Variants in CRACD observed in about 807,000 individuals in gnomAD.
CRACD encodes capping protein inhibiting regulator of actin dynamics, also known as capping protein-inhibiting regulator of actin dynamics.
CRACD carries 56 observed loss-of-function variants against 106.8 expected under a neutral mutation model. The ratio of observed to expected loss-of-function variants is 0.52; its 90% CI spans 0.42 to 0.66. CRACD has a LOEUF of 0.66. CRACD is among the 30% of genes least tolerant of loss of function. CRACD has a pLI of 0.00. For synonymous variants in CRACD, 754 were observed against 670.8 expected (o/e 1.12, Z -1.92); for missense variants, 1,730 against 1,623.2 (o/e 1.07, Z -1.13).
chr4:56,262,265 A>C (rs775254410), intron 2 of CRACD, among the ~76,000 whole-genome samples: 1 of 152,224 alleles, frequency 6.6e-6, no homozygotes, highest in Non-Finnish European at 1.5e-5. Flanking sequence ...GTTGATGGGC[A>C]TAGGCATATT....
intron 9 of CRACD, among the ~76,000 whole-genome samples, chr4:56,323,903 T>C (rs1166731906): frequency 1.3e-5 from 2 of 152,196 alleles, no homozygotes; most frequent in African/African-American, 2.4e-5. Flanking sequence ...AAAGTAACTT[T>C]CCCTGTTAGG....
At position 56,327,914 on chromosome 4, in the gene CRACD, G is replaced by GTT. The variant is rs1746565316; in HGVS notation, c.*113_*114dup. 1.0e-6 allele frequency: 1 copy of GTT among 953,394 alleles called. No individual in the cohort carries two copies. Among genetic ancestry groups the GTT allele is most frequent in the African/African-American group, 1.7e-5 (1 of 60,242 alleles). The allele number at this position is 953,394 out of a possible 1,614,324, so 59.1% of individuals were successfully genotyped here. ...AAATCAAGCTAGGGAAAAGAAGCAT[G>GTT]TTTTATAGGCTCCAAAATAATGTTT... On this transcript the variant is annotated 3_prime_UTR_variant, in exon 11 of 11. Transcript: ENST00000682029.
At chr4:56,310,226 T>C (rs1455203294) in intron 5 of CRACD, among the ~76,000 whole-genome samples, 3 of 152,104 alleles carry the variant, frequency 2.0e-5, no homozygotes. Context: ...GTGGAGTTGG[T>C]AGGCCTTCTT....
intron 1 of CRACD, among the ~76,000 whole-genome samples, chr4:56,063,403 A>G (rs113419417): frequency 0.019 from 2,907 of 152,308 alleles, 87 homozygotes; most frequent in African/African-American, 0.067. Context: ...AAAAATTACC[A>G]TCGTAAACAT....
chr4:56,244,823 G>A (rs6824847), intron 2 of CRACD, among the ~76,000 whole-genome samples: 1,529 of 152,362 alleles, frequency 0.01, 22 homozygotes, highest in African/African-American at 0.035. Context: ...CACAAATCAT[G>A]AAGGTGGAAC....
intron 1 of CRACD, among the ~76,000 whole-genome samples, chr4:56,138,508 G>A (rs949629984): frequency 4.6e-5 from 7 of 152,032 alleles, no homozygotes; most frequent in Non-Finnish European, 1.0e-4. Context: ...CACTAACACA[G>A]CAGCAGAAAG....
Position 56,314,845 on chromosome 4 carries a change from C to G in CRACD, c.1343C>G (p.Pro448Arg), listed in dbSNP as rs919613539. ...GGACAAAGAGAACACTCCGAGGAGC[C>G]AGGTATTTGCGAGGAGCAGAACCCA... is the stretch of plus-strand genomic sequence containing the variant. ...PEGQREHSEE[P>R]GICEEQNPEA... The change falls in exon 8 of 11, where the codon CCA (proline) becomes CGA (arginine). Residue 448 changes from proline to arginine, a missense_variant. Coordinates refer to ENST00000682029, the MANE Select transcript of CRACD (RefSeq NM_001393381.1). This position sits in a 1 kb window ranked among gnomAD's most constrained non-coding sequence, Gnocchi z 4.4. 11 of 1,611,644 alleles carry G rather than the reference C, an allele frequency of 6.8e-6. No individual in the cohort carries two copies. In the South Asian group the frequency reaches 1.2e-4, roughly 18 times the overall value.
chr4:56,148,283 A>G (rs558430943), intron 1 of CRACD, among the ~76,000 whole-genome samples: 5,755 of 135,520 alleles, frequency 0.042, 137 homozygotes, highest in Non-Finnish European at 0.058. Context: ...TTTTTTTTTT[A>G]AAAAAAAAAA....
chr4:56,069,828 A>G (rs114303862), intron 1 of CRACD, among the ~76,000 whole-genome samples: 2,509 of 152,302 alleles, frequency 0.016, 49 homozygotes, highest in Middle Eastern at 0.044. Flanking sequence ...TCAAAGGAGG[A>G]ATGAGAATCA....
chr4:56,324,789 T>A (rs1274005161), intron 10 of CRACD, among the ~76,000 whole-genome samples: 1 of 152,206 alleles, frequency 6.6e-6, no homozygotes, highest in Non-Finnish European at 1.5e-5. Flanking sequence ...AGCATTTTAA[T>A]AAGTCAAATC....
intron 3 of CRACD, among the ~76,000 whole-genome samples, chr4:56,274,506 G>A (rs181413613): frequency 1.3e-5 from 2 of 152,256 alleles, no homozygotes; most frequent in East Asian, 3.9e-4. Flanking sequence ...TCCCATTTAA[G>A]TCTTATATTC....
chr4:56,167,354 G>A (rs1039004853), intron 1 of CRACD, among the ~76,000 whole-genome samples: 2 of 152,126 alleles, frequency 1.3e-5, no homozygotes, highest in Non-Finnish European at 1.5e-5. Flanking sequence ...ACTGGATATT[G>A]CCAAATTATA....
chr4:56,109,771 G>A (rs577377458), intron 1 of CRACD, among the ~76,000 whole-genome samples: 30 of 151,434 alleles, frequency 2.0e-4, no homozygotes, highest in Non-Finnish European at 4.0e-4. Context: ...GATACAGTGA[G>A]GAAACCTCTT....
At chr4:56,227,844 T>A (rs1351291382) in intron 2 of CRACD, among the ~76,000 whole-genome samples, 1 of 152,208 alleles carries the variant, frequency 6.6e-6, no homozygotes, top group Non-Finnish European at 1.5e-5. Context: ...GTAACTGTGT[T>A]CTAGGACACA....
intron 2 of CRACD, among the ~76,000 whole-genome samples, chr4:56,187,766 A>G (rs995053772): frequency 3.3e-5 from 5 of 152,090 alleles, no homozygotes; most frequent in Non-Finnish European, 5.9e-5. Context: ...CGCACACTGA[A>G]TGCCTCCCAC....
At chr4:56,287,511 C>T (rs1165763640) in intron 3 of CRACD, among the ~76,000 whole-genome samples, 1 of 152,074 alleles carries the variant, frequency 6.6e-6, no homozygotes, top group Non-Finnish European at 1.5e-5. Context: ...GAACTCCTGA[C>T]CTCAGGCGAT....
chr4:56,070,927 A>C (rs1732628016), intron 1 of CRACD, among the ~76,000 whole-genome samples: 1 of 145,888 alleles, frequency 6.9e-6, no homozygotes, highest in South Asian at 2.2e-4. Context: ...TCTCAGGAGG[A>C]GAGGCAGAGA....
intron 3 of CRACD, among the ~76,000 whole-genome samples, chr4:56,273,356 C>T (rs1742480337): frequency 6.7e-6 from 1 of 150,044 alleles, no homozygotes; most frequent in African/African-American, 2.5e-5. Flanking sequence ...TCCCTCCCTC[C>T]CTCCCTCGTT....
chr4:56,296,660 G>A (rs1033761795), intron 3 of CRACD, among the ~76,000 whole-genome samples: 1 of 152,168 alleles, frequency 6.6e-6, no homozygotes, highest in African/African-American at 2.4e-5. Context: ...AACCCCAGTA[G>A]GGGCCCCTTT....
Sources: allele counts gnomAD v4.1 joint callset (sites outside exome capture counted in the v4.1 genomes callset), GRCh38; gene constraint gnomAD v4.1.1; non-coding constraint Gnocchi (gnomAD v3.1); transcripts MANE v1.5; gene names NCBI Gene and HGNC (gene_info 2026-07-23, HGNC 2026-07-21).